Variants in SLC43A1 observed in about 807,000 individuals in gnomAD.
SLC43A1 encodes large neutral amino acids transporter small subunit 3.
A neutral mutation model predicts 59.5 loss-of-function variants in SLC43A1; 31 were observed. The observed-to-expected ratio is 0.52, with a 90% CI of 0.39 to 0.70. The LOEUF is 0.70. SLC43A1 is among the 30% of genes least tolerant of loss of function. SLC43A1 has a pLI of 0.00. For synonymous variants in SLC43A1, 259 were observed against 290.9 expected (o/e 0.89, Z 1.12); for missense variants, 598 against 717.8 (o/e 0.83, Z 1.91).
At chr11:57,488,771 G>GCTTTAATT in intron 13 of SLC43A1, 145 bp downstream of exon 13, 1 of 719,262 alleles carries the variant, frequency 1.4e-6, no homozygotes, top group South Asian at 1.6e-5. Context: ...AGGATAGGCT[G>GCTTTAATT]CCTTTAAGGA....
chr11:57,488,257 G>A lies in SLC43A1; in HGVS notation c.1409+659C>T, dbSNP rs530780475. Among the ~76,000 whole-genome samples, 4 of 152,312 alleles carry A rather than the reference G, an allele frequency of 2.6e-5. No individual in the cohort carries two copies. In the South Asian group the frequency reaches 8.3e-4, roughly 32 times the overall value. ...ACAAGAAGGGTCAGATTTGGGGTGTGTAGAAGCTGCTGCTGGCTGTACTGA... is the reference window on the plus strand; with the variant it reads ...ACAAGAAGGGTCAGATTTGGGGTGTATAGAAGCTGCTGCTGGCTGTACTGA... On this transcript the variant is annotated intron_variant, in intron 13 of 14. Transcript: ENST00000278426.
chr11:57,515,069 A>C lies in SLC43A1; in HGVS notation c.-14+375T>G, dbSNP rs1944654591. Reference sequence around the variant, plus strand: ...CGAGGAAAGCGGAGAGGAGAAGGGCAAGAAAGACCCAGAGAGAGGGGAGGA... The same window carrying C: ...CGAGGAAAGCGGAGAGGAGAAGGGCCAGAAAGACCCAGAGAGAGGGGAGGA... On this transcript the variant is annotated intron_variant, in intron 1 of 14. Transcript: ENST00000278426. This position sits in a 1 kb window ranked among gnomAD's most constrained non-coding sequence, Gnocchi z 5.3. 1 of 985,150 alleles carries C rather than the reference A, an allele frequency of 1.0e-6. No homozygotes were observed. The highest frequency in any genetic ancestry group is 1.2e-6 in the Non-Finnish European group (1 of 829,950). The allele number at this position is 985,150 out of a possible 1,614,324, so 61.0% of individuals were successfully genotyped here. A position where few individuals can be genotyped will look rare whatever the true frequency, so the allele number is the denominator to read the frequency against.
intron 2 of SLC43A1, among the ~76,000 whole-genome samples, chr11:57,509,089 C>CT (rs1044059791): frequency 1.3e-5 from 2 of 151,546 alleles, no homozygotes; most frequent in African/African-American, 4.8e-5. Context: ...GCACTCCAGC[C>CT]TGGGTGACGG....
chr11:57,491,749 G>C lies in SLC43A1; in HGVS notation c.985C>G (p.Leu329Val). 6.2e-7 allele frequency: 1 copy of C among 1,614,240 alleles called. No individual in the cohort carries two copies. Among genetic ancestry groups the C allele is most frequent in the African/African-American group, 1.3e-5 (1 of 75,070 alleles). ...TGGCCACCAGTCACAAGGTACTCCAGCATCTTGTTCACAGCAGCCATGTAG... is the reference window on the plus strand; with the variant it reads ...TGGCCACCAGTCACAAGGTACTCCACCATCTTGTTCACAGCAGCCATGTAG... The part of the protein sequence containing the change: ...IFYMAAVNKM[L>V]EYLVTGGQEH... The change falls in exon 9 of 15, where the codon CTG becomes GTG. Residue 329 changes from leucine to valine, a missense_variant. Transcript: ENST00000278426.
Position 57,491,859 on chromosome 11 carries a change from G to A in SLC43A1, c.875C>T (p.Ser292Phe), listed in dbSNP as rs756086363. 6.2e-7 allele frequency: 1 copy of A among 1,613,966 alleles called. No homozygotes were observed. The highest frequency in any genetic ancestry group is 8.5e-7 in the Non-Finnish European group (1 of 1,179,964). Residue 292 changes from serine (S) to phenylalanine (F), a missense_variant, in exon 9 of 15, where the codon TCT becomes TTT. Physicochemically the swap from Ser to Phe is radical, Grantham distance 155. Transcript: ENST00000278426. Reference sequence around the variant, plus strand: ...GCAGAGGCTCTTGCGTAAGGGGACAGACCCTGGGGAGACAGCAGGGGGCGC... The same window carrying A: ...GCAGAGGCTCTTGCGTAAGGGGACAAACCCTGGGGAGACAGCAGGGGGCGC... ...RGTSENLPER[S>F]VPLRKSLCSP...
intron 14 of SLC43A1, among the ~76,000 whole-genome samples, chr11:57,486,064 GT>G (rs1010899082): frequency 1.3e-5 from 2 of 152,232 alleles, no homozygotes; most frequent in Admixed American, 1.3e-4. Context: ...AGAGGGAAGG[GT>G]CCCCTTTCAG....
intron 6 of SLC43A1, among the ~76,000 whole-genome samples, chr11:57,496,690 TG>T (rs1391147468): frequency 7.9e-5 from 12 of 152,146 alleles, no homozygotes; most frequent in Non-Finnish European, 1.6e-4. Flanking sequence ...CTGGGGGGGT[TG>T]GGGAGAGGGA....
chr11:57,510,179 G>A (rs912571382), intron 2 of SLC43A1, among the ~76,000 whole-genome samples: 3 of 151,912 alleles, frequency 2.0e-5, no homozygotes, highest in East Asian at 1.9e-4. Flanking sequence ...TGGGCAGGCC[G>A]GGCGCGGTGG....
chr11:57,489,182 G>C (rs993279780), intron 12 of SLC43A1, 69 bp downstream of exon 12: 2 of 1,580,818 alleles, frequency 1.3e-6, no homozygotes, highest in Non-Finnish European at 8.7e-7. Context: ...TGGAAGGCAG[G>C]TGCTGGATGG....
intron 7 of SLC43A1, among the ~76,000 whole-genome samples, chr11:57,494,893 G>T (rs2135170655): frequency 6.6e-6 from 1 of 151,082 alleles, no homozygotes; most frequent in East Asian, 2.0e-4. Context: ...TTGTTGCCCA[G>T]GCTGGAGTGC....
chr11:57,487,303 C>T, intron 13 of SLC43A1, 85 bp from the exon 14 acceptor site: 1 of 1,514,560 alleles, frequency 6.6e-7, no homozygotes, highest in Non-Finnish European at 9.0e-7. Context: ...CCACCATGGT[C>T]CCCGCTGGCC....
chr11:57,501,290 C>G lies in SLC43A1; in HGVS notation c.194G>C (p.Arg65Thr). 5 of 1,611,576 alleles carry G rather than the reference C, an allele frequency of 3.1e-6. No homozygotes were observed. The highest frequency in any genetic ancestry group is 4.2e-6 in the Non-Finnish European group (5 of 1,180,024). The change falls in exon 3 of 15, where the codon AGG becomes ACG. Residue 65 changes from arginine (R) to threonine (T), a missense_variant. Physicochemically the swap from Arg to Thr is moderately conservative, Grantham distance 71 (BLOSUM62 -1). Transcript: ENST00000278426. ...STNTTQDEQR[R>T]WPGCDQQDEM... ...GTCCTGCTGGTCACAGCCTGGCCAC[C>G]TGCGCTGCTCATCCTGGGTGGTGTT...
intron 7 of SLC43A1, among the ~76,000 whole-genome samples, chr11:57,494,870 G>A (rs535286417): frequency 7.3e-5 from 11 of 150,156 alleles, no homozygotes; most frequent in African/African-American, 2.4e-4. Context: ...TTTTTGAGAC[G>A]GAGTTTTTGA....
chr11:57,494,020 G>T lies in SLC43A1; in HGVS notation c.844C>A (p.Arg282=). The change falls in exon 8 of 15, where the codon CGG becomes AGG. Residue 282 remains arginine (R), a synonymous_variant. Transcript: ENST00000278426. ...TCAGGAAGGTTTTCTGAGGTGCCCC[G>T]AACATCCTGGGGTGACATGAAGGCA... The part of the protein sequence containing the change: ...SDAFMSPQDV[R]GTSENLPERS... 6.3e-7 allele frequency: 1 copy of T among 1,599,680 alleles called. No individual in the cohort carries two copies. Among genetic ancestry groups the T allele is most frequent in the Non-Finnish European group, 8.5e-7 (1 of 1,174,624 alleles).
rs535476311 is a variant in SLC43A1 at position 57,504,215 on chromosome 11, T to G, written c.155-2886A>C. Among the ~76,000 whole-genome samples the G allele has an allele frequency of 1.3e-3, 198 of 152,100 alleles. 1 individual carries two copies. Among genetic ancestry groups the G allele is most frequent in the African/African-American group, 4.7e-3 (195 of 41,502 alleles). On this transcript the variant is annotated intron_variant, in intron 2 of 14. Transcript: ENST00000278426. ...CCGTCTCAAAAAATAAAAATAAAAA[T>G]AAAAAGTTAGAAGATCTAGGCATGA...
chr11:57,501,088 CCCCCT>C, intron 3 of SLC43A1, 45 bp from the exon 4 acceptor site: 1 of 1,607,786 alleles, frequency 6.2e-7, no homozygotes, highest in Non-Finnish European at 8.5e-7. Flanking sequence ...TGTGAGCACC[CCCCCT>C]CCCCTCCCCC....
chr11:57,503,993 A>C (rs1251824235), intron 2 of SLC43A1, among the ~76,000 whole-genome samples: 1 of 152,062 alleles, frequency 6.6e-6, no homozygotes, highest in Non-Finnish European at 1.5e-5. Flanking sequence ...GGAGATCGAG[A>C]CCATCCTGGC....
intron 12 of SLC43A1, 45 bp downstream of exon 12, chr11:57,489,206 A>T: frequency 6.2e-7 from 1 of 1,608,568 alleles, no homozygotes; most frequent in Non-Finnish European, 8.5e-7. Flanking sequence ...ATCCCTTTGG[A>T]GGAGCCTCGG....
chr11:57,509,492 G>T (rs187521058), intron 2 of SLC43A1, among the ~76,000 whole-genome samples: 2 of 151,896 alleles, frequency 1.3e-5, no homozygotes, highest in African/African-American at 4.8e-5. Context: ...GGAGGCTGAG[G>T]CAGGAGAATT....
Sources: gnomAD v4.1 joint callset for allele counts (sites outside exome capture counted in the v4.1 genomes callset) on GRCh38, gnomAD v4.1.1 for gene constraint, Gnocchi (gnomAD v3.1) non-coding constraint, MANE v1.5 for transcripts, NCBI Gene and HGNC (gene_info 2026-07-23, HGNC 2026-07-21) for gene names.